ZNF326: variants seen among roughly 807,000 people sequenced by gnomAD.
The protein encoded by ZNF326 is DBIRD complex subunit ZNF326.
ZNF326 carries 30 observed loss-of-function variants against 63.1 expected under a neutral mutation model. The ratio of observed to expected loss-of-function variants is 0.48; its 90% CI spans 0.36 to 0.64. ZNF326 has a LOEUF of 0.64. Among genes scored for constraint, ZNF326 ranks in the 30% least tolerant of loss-of-function variants. The pLI, the probability that ZNF326 is intolerant of heterozygous loss-of-function variation, is 0.00. For missense variants in ZNF326, 609 were observed against 720.3 expected (o/e 0.85, Z 1.77); for synonymous variants, 194 against 228.2 (o/e 0.85, Z 1.35).
chr1:90,013,544 G>A (rs1187121556), intron 7 of ZNF326, among the ~76,000 whole-genome samples: 1 of 152,102 alleles, frequency 6.6e-6, no homozygotes, highest in African/African-American at 2.4e-5. Flanking sequence ...TTCATGGGCA[G>A]GAATTAAATA....
Position 90,018,748 on chromosome 1 carries a change from G to T in ZNF326, c.1138G>T (p.Glu380Ter), listed in dbSNP as rs1649619636. 1 of 1,574,520 alleles carries T rather than the reference G, an allele frequency of 6.4e-7. No homozygotes were observed. The highest frequency in any genetic ancestry group is 1.4e-5 in the African/African-American group (1 of 73,390). Residue 380 changes from glutamate (E) to a stop codon, truncating the protein, a stop_gained, in exon 9 of 12, where the codon GAA (glutamate) becomes TAA (stop). Transcript: ENST00000340281. LOFTEE classifies it high-confidence loss of function. ...TAAGCAACAGACAAATAATCAAACAGAAGTAGTTAAAATAATTGAAAAAGA... is the reference window on the plus strand; with the variant it reads ...TAAGCAACAGACAAATAATCAAACATAAGTAGTTAAAATAATTGAAAAAGA... ...IRKQQTNNQT[E>*]VVKIIEKDVM... is the part of the protein sequence containing the mutation.
chr1:90,022,378 T>C (rs773474428), intron 11 of ZNF326, 33 bp downstream of exon 11: 2 of 1,442,632 alleles, frequency 1.4e-6, no homozygotes, highest in African/African-American at 1.4e-5. Flanking sequence ...TTTTCAATAA[T>C]ATTGTAGTAT....
intron 5 of ZNF326, 58 bp from the exon 6 acceptor site, chr1:90,010,030 G>A (rs1649161472): frequency 6.6e-7 from 1 of 1,519,118 alleles, no homozygotes; most frequent in African/African-American, 1.4e-5. Context: ...AATTTTATAT[G>A]AATTCATATT....
At chr1:90,019,679 G>C (rs1401084784) in intron 9 of ZNF326, among the ~76,000 whole-genome samples, 1 of 152,036 alleles carries the variant, frequency 6.6e-6, no homozygotes, top group Admixed American at 6.6e-5. Flanking sequence ...CAGAGCTTAA[G>C]TTAGTATCTA....
intron 11 of ZNF326, among the ~76,000 whole-genome samples, chr1:90,024,977 C>T (rs1171094987): frequency 8.0e-6 from 1 of 125,492 alleles, no homozygotes; most frequent in African/African-American, 3.0e-5. Context: ...TGATTTTTTT[C>T]CTGTTTTTTT....
chr1:90,014,087 G>T (rs1363536837), intron 7 of ZNF326, among the ~76,000 whole-genome samples: 1 of 151,654 alleles, frequency 6.6e-6, no homozygotes, highest in East Asian at 1.9e-4. Context: ...AGGGGAATTG[G>T]TTGAACAATG....
rs1385201510 is a variant in ZNF326 at position 90,027,680 on chromosome 1, T to A, written c.1728T>A (p.Val576=). The A allele has an allele frequency of 6.2e-7, 1 of 1,614,018 alleles. No homozygotes were observed. Among genetic ancestry groups the A allele is most frequent in the South Asian group, 1.1e-5 (1 of 91,074 alleles). Residue 576 remains valine (V), a synonymous_variant, in exon 12 of 12, where the codon GTT becomes GTA. Coordinates refer to ENST00000340281, the MANE Select transcript of ZNF326 (RefSeq NM_182976.4). ...AGGAAGAACCTGCTGACTTCCCTGTTGAGCAACCTGAAGAAAATTAAATAT... is the reference window on the plus strand; with the variant it reads ...AGGAAGAACCTGCTGACTTCCCTGTAGAGCAACCTGAAGAAAATTAAATAT... ...TAKEEPADFP[V]EQPEEN is the part of the protein sequence containing the mutation.
At position 90,020,909 on chromosome 1, in the gene ZNF326, T is replaced by C. The variant is rs1049044396; in HGVS notation, c.1292T>C (p.Ile431Thr). ...VQQHLKSPDH[I>T]KGKQAYKEQI... Reference sequence around the variant, plus strand: ...CAGCACTTAAAATCTCCTGATCATATCAAAGGGAAGCAGGTAAAATTTTCA... The same window carrying C: ...CAGCACTTAAAATCTCCTGATCATACCAAAGGGAAGCAGGTAAAATTTTCA... The change falls in exon 10 of 12, where the codon ATC becomes ACC. Residue 431 changes from isoleucine (I) to threonine (T), a missense_variant. By Grantham distance (89) the Ile-to-Thr change is moderately conservative. Around this residue, in one of 3 missense-constraint regions of ZNF326, gnomAD observed 399 missense variants for 444.3 expected, o/e 0.90. Coordinates refer to ENST00000340281, the MANE Select transcript of ZNF326 (RefSeq NM_182976.4). The C allele has an allele frequency of 6.2e-7, 1 of 1,612,158 alleles. No homozygotes were observed. Among genetic ancestry groups the C allele is most frequent in the African/African-American group, 1.3e-5 (1 of 74,840 alleles).
chr1:89,998,187 C>T (rs200310011), intron 2 of ZNF326, 33 bp downstream of exon 2: 42 of 1,605,812 alleles, frequency 2.6e-5, no homozygotes, highest in African/African-American at 2.1e-4. Flanking sequence ...TCTCTTCATG[C>T]GCATAAAAAT....
At position 90,031,558 on chromosome 1, in the gene ZNF326, CTTTTTTTT is replaced by C. The variant is rs764803908; in HGVS notation, c.*3866_*3873del. The stretch of plus-strand genomic sequence containing the variant: ...TTTAGTGGCATTAATTACAAGCAAC[CTTTTTTTT>C]TTTTTTTTGAGACATAGCCTCACTC... On this transcript the variant is annotated 3_prime_UTR_variant, in exon 12 of 12. Coordinates refer to ENST00000340281, the MANE Select transcript of ZNF326 (RefSeq NM_182976.4). 1 of 138,634 alleles carries C rather than the reference CTTTTTTTT, an allele frequency of 7.2e-6. No homozygotes were observed. Among genetic ancestry groups the C allele is most frequent in the African/African-American group, 2.6e-5 (1 of 38,006 alleles). 8.6% of individuals were successfully genotyped at this position (138,634 alleles called of 1,614,324 possible).
At chr1:89,998,004 T>C in intron 1 of ZNF326, 106 bp from the exon 2 acceptor site, 2 of 922,330 alleles carry the variant, frequency 2.2e-6, no homozygotes, top group Non-Finnish European at 3.4e-6. Context: ...GATAATTGGG[T>C]TAATGTCATT....
intron 7 of ZNF326, among the ~76,000 whole-genome samples, chr1:90,014,239 A>G (rs1421076890): frequency 6.6e-6 from 1 of 152,190 alleles, no homozygotes; most frequent in African/African-American, 2.4e-5. Context: ...AATAAATTAC[A>G]AAGGAAATTA....
Position 90,029,956 on chromosome 1 carries a change from A to C in ZNF326, c.*2255A>C, listed in dbSNP as rs893835391. On this transcript the variant is annotated 3_prime_UTR_variant, in exon 12 of 12. Coordinates refer to ENST00000340281, the MANE Select transcript of ZNF326 (RefSeq NM_182976.4). ...TGTTTATATTTGCATTGCTTTTGTA[A>C]TAAGGATGTATATAAGATCTTAAAC... 1 of 152,148 alleles carries C rather than the reference A, an allele frequency of 6.6e-6. No homozygotes were observed. The highest frequency in any genetic ancestry group is 1.5e-5 in the Non-Finnish European group (1 of 68,026). The allele number at this position is 152,148 out of a possible 1,614,324, so 9.4% of individuals were successfully genotyped here.
chr1:90,005,965 A>G (rs1648965309), intron 4 of ZNF326: 6 of 985,446 alleles, frequency 6.1e-6, no homozygotes, highest in Non-Finnish European at 7.2e-6. Context: ...AAGGTTGACC[A>G]TATTTCAGGA....
intron 4 of ZNF326, chr1:90,005,658 C>T: frequency 2.0e-6 from 2 of 983,806 alleles, no homozygotes; most frequent in Non-Finnish European, 2.4e-6. Context: ...GCAAAGCAGT[C>T]TAACTAGAAT....
rs1185707126 is a variant in ZNF326 at position 90,027,547 on chromosome 1, AG to A, written c.1598del (p.Gly533GlufsTer6). On this transcript the variant is annotated frameshift_variant, in exon 12 of 12. Coordinates refer to ENST00000340281, the MANE Select transcript of ZNF326 (RefSeq NM_182976.4). LOFTEE classifies it low-confidence loss of function (END_TRUNC). ...EEVREGGIEG[E>X]GNIQGVGEGG... ...GTGAGAGAAGGAGGAATAGAGGGCG[AG>A]GGAAATATACAGGGAGTAGGGGAAG... 3 of 1,607,876 alleles carry A rather than the reference AG, an allele frequency of 1.9e-6. No individual in the cohort carries two copies. In the African/African-American group the frequency reaches 4.0e-5, roughly 22 times the overall value.
At chr1:90,006,423 A>G (rs1648991785) in intron 4 of ZNF326, 2 of 985,250 alleles carry the variant, frequency 2.0e-6, no homozygotes, top group South Asian at 4.7e-5. Flanking sequence ...GGGCCTTTAT[A>G]AAATTGTGTT....
chr1:90,023,900 T>C (rs1475541791), intron 11 of ZNF326, among the ~76,000 whole-genome samples: 1 of 152,196 alleles, frequency 6.6e-6, no homozygotes, highest in Non-Finnish European at 1.5e-5. Flanking sequence ...GATCTGTGGA[T>C]CAGCAGTATT....
intron 2 of ZNF326, among the ~76,000 whole-genome samples, chr1:90,004,538 C>A (rs1648861581): frequency 6.6e-6 from 1 of 152,138 alleles, no homozygotes; most frequent in Non-Finnish European, 1.5e-5. Flanking sequence ...CCTAGTCCAA[C>A]AAATATTGGT....
Sources: allele counts gnomAD v4.1 joint callset (sites outside exome capture counted in the v4.1 genomes callset), GRCh38; gene constraint gnomAD v4.1.1; regional missense constraint gnomAD v4.1.1; transcripts MANE v1.5; gene names NCBI Gene and HGNC (gene_info 2026-07-23, HGNC 2026-07-21).